COL4A1: variants seen among roughly 807,000 people sequenced by gnomAD.
The protein encoded by COL4A1 is collagen alpha-1(IV) chain.
Under a neutral mutation model 216.6 loss-of-function variants are expected in COL4A1, and 40 were observed. The observed-to-expected ratio is 0.18, with a 90% confidence interval of 0.14 to 0.24. The LOEUF is 0.24. Among genes scored for constraint, COL4A1 ranks in the 10% least tolerant of loss-of-function variants. The probability of loss-of-function intolerance (pLI) is 1.00; values close to 1 mark genes in which losing one functional copy is unlikely to be tolerated. For missense variants in COL4A1, 1,628 were observed against 2,196.8 expected (o/e 0.74, Z 5.18); for synonymous variants, 839 against 810.7 (o/e 1.03, Z -0.59).
In COL4A1 at chr13:110,186,307, C is replaced by T. The variant is rs530609650; in HGVS notation, c.1897+78G>A. ...CGCCCTGGCCTATGCGAACCCCAGG[C>T]CTCTGTGTGCACCCGAGGTGCCTGC... On this transcript the variant is annotated intron_variant, in intron 26 of 51. Coordinates refer to ENST00000375820, the MANE Select transcript of COL4A1 (RefSeq NM_001845.6). 3.7e-5 allele frequency: 58 copies of T among 1,581,496 alleles called. No individual in the cohort carries two copies. The African/African-American group carries it at 7.5e-4, about 21-fold the overall frequency.
rs1882379061 is a variant in COL4A1 at position 110,253,787 on chromosome 13, ATAATTATACGTATATATG to A, written c.85-11071_85-11054del. On this transcript the variant is annotated intron_variant, in intron 1 of 51. Coordinates refer to ENST00000375820, the MANE Select transcript of COL4A1 (RefSeq NM_001845.6). The stretch of plus-strand genomic sequence containing the variant: ...ACGTATGTATGTATTATATATACGT[ATAATTATACGTATATATG>A]TATAATTATACGTATGTATGTATTA... Among the ~76,000 whole-genome samples, 214 of 82,730 alleles carry A rather than the reference ATAATTATACGTATATATG, an allele frequency of 2.6e-3. 1 individual carries two copies. The highest frequency in any genetic ancestry group is 3.2e-3 in the Non-Finnish European group (107 of 33,552). The allele number at this position is 82,730 out of a possible 152,430, so 54.3% of individuals were successfully genotyped here.
At chr13:110,279,540 T>C (rs1360275090) in intron 1 of COL4A1, among the ~76,000 whole-genome samples, 1 of 152,052 alleles carries the variant, frequency 6.6e-6, no homozygotes, top group Non-Finnish European at 1.5e-5. Flanking sequence ...TTCAATCTAT[T>C]CTTTTGGGGG....
Position 110,174,661 on chromosome 13 carries a change from G to A in COL4A1, c.3287C>T (p.Pro1096Leu). ...ACTCCCGGGAGACCCTTTAAGGCCTGGGGACCCTGGCATTCCTGGGATCCC... is the reference window on the plus strand; with the variant it reads ...ACTCCCGGGAGACCCTTTAAGGCCTAGGGACCCTGGCATTCCTGGGATCCC... Reference protein sequence around the residue: ...SIGIPGMPGSPGLKGSPGSVG... With the variant: ...SIGIPGMPGSLGLKGSPGSVG... The change falls in exon 38 of 52, where the codon CCA becomes CTA. Residue 1096 changes from proline to leucine, a missense_variant. Pro to Leu is a moderately conservative substitution (Grantham distance 98, BLOSUM62 -3). This residue lies in a region of COL4A1 where 345 missense variants were observed against 476.9 expected (regional missense o/e 0.72). Coordinates refer to ENST00000375820, the MANE Select transcript of COL4A1 (RefSeq NM_001845.6). 6.2e-7 allele frequency: 1 copy of A among 1,614,052 alleles called. No individual in the cohort carries two copies. Among genetic ancestry groups the A allele is most frequent in the Non-Finnish European group, 8.5e-7 (1 of 1,179,962 alleles).
chr13:110,178,880 G>T (rs1255762346), intron 31 of COL4A1, 43 bp downstream of exon 31: 1 of 1,485,756 alleles, frequency 6.7e-7, no homozygotes, highest in Non-Finnish European at 9.3e-7. Flanking sequence ...CTTCAGAAAA[G>T]CATGCTTTTG....
In COL4A1 at chr13:110,307,018, G is replaced by C. The variant is rs1884761835; in HGVS notation, c.10C>G (p.Arg4Gly). Residue 4 changes from arginine to glycine, a missense_variant, in exon 1 of 52, where the codon CGG becomes GGG. Coordinates refer to ENST00000375820, the MANE Select transcript of COL4A1 (RefSeq NM_001845.6). The surrounding 1 kb of genome is among the most constrained non-coding windows in gnomAD (Gnocchi z 5.0). Reference sequence around the variant, plus strand: ...AGCAGCAGCAGCCAGACGCTGAGCCGGGGCCCCATGGTGGCGCGCCCGAGG... The same window carrying C: ...AGCAGCAGCAGCCAGACGCTGAGCCCGGGCCCCATGGTGGCGCGCCCGAGG... MGPRLSVWLLLLPA... is the reference protein window; with the variant it reads MGPGLSVWLLLLPA... 6.8e-7 allele frequency: 1 copy of C among 1,465,596 alleles called. No individual in the cohort carries two copies. Among genetic ancestry groups the C allele is most frequent in the Non-Finnish European group, 9.0e-7 (1 of 1,113,690 alleles). 90.8% of individuals were successfully genotyped at this position (1,465,596 alleles called of 1,614,324 possible).
chr13:110,182,968 G>T (rs1281228588), intron 28 of COL4A1, 25 bp downstream of exon 28: 2 of 1,597,818 alleles, frequency 1.3e-6, no homozygotes, highest in East Asian at 4.5e-5. Context: ...TGGACCAAAG[G>T]CTCGGGTCCG....
At chr13:110,219,908 ATATG>A (rs1455087124) in intron 2 of COL4A1, among the ~76,000 whole-genome samples, 27 of 138,490 alleles carry the variant, frequency 1.9e-4, no homozygotes, top group Non-Finnish European at 3.5e-4. Context: ...ATATGTATAT[ATATG>A]TGTGTATATA....
chr13:110,156,649 C>T (rs955725176), intron 49 of COL4A1, among the ~76,000 whole-genome samples: 1 of 152,110 alleles, frequency 6.6e-6, no homozygotes, highest in Non-Finnish European at 1.5e-5. Flanking sequence ...ATGAAGGGAA[C>T]CCTTGATGGT....
chr13:110,170,251 C>G (rs538408300), intron 42 of COL4A1, among the ~76,000 whole-genome samples: 1 of 152,212 alleles, frequency 6.6e-6, no homozygotes, highest in Non-Finnish European at 1.5e-5. Context: ...CCAGAACCCA[C>G]AAGTGGGCCC....
intron 2 of COL4A1, among the ~76,000 whole-genome samples, chr13:110,222,877 C>T (rs1880571486): frequency 6.7e-6 from 1 of 148,640 alleles, no homozygotes; most frequent in Non-Finnish European, 1.5e-5. Context: ...CCATTGAACA[C>T]ATTCTGTGGG....
chr13:110,240,273 G>A (rs1437303751), intron 2 of COL4A1, among the ~76,000 whole-genome samples: 6 of 152,074 alleles, frequency 3.9e-5, no homozygotes, highest in Admixed American at 3.9e-4. Context: ...GAGTGTAGAG[G>A]AGCAGGTCAG....
At chr13:110,224,231 G>A (rs565715624) in intron 2 of COL4A1, among the ~76,000 whole-genome samples, 2 of 151,606 alleles carry the variant, frequency 1.3e-5, no homozygotes, top group African/African-American at 4.8e-5. Context: ...TTAGTTAAAA[G>A]ATTTGGGGTA....
intron 2 of COL4A1, among the ~76,000 whole-genome samples, chr13:110,229,299 C>T (rs1880896996): frequency 6.6e-6 from 1 of 152,224 alleles, no homozygotes; most frequent in African/African-American, 2.4e-5. Context: ...GTACCTCCAG[C>T]TTCACAGGAA....
chr13:110,198,055 A>C (rs1878984150), intron 21 of COL4A1, among the ~76,000 whole-genome samples: 1 of 147,072 alleles, frequency 6.8e-6, no homozygotes, highest in Non-Finnish European at 1.5e-5. Context: ...TTACCCATGT[A>C]ATCCTGTCTT....
chr13:110,230,534 G>A (rs1310613688), intron 2 of COL4A1, among the ~76,000 whole-genome samples: 3 of 76,150 alleles, frequency 3.9e-5, no homozygotes, highest in Admixed American at 3.5e-4. Flanking sequence ...AAGGGTAAAG[G>A]GGGCGAGTGA....
chr13:110,180,246 G>C (rs1040564763), intron 29 of COL4A1, among the ~76,000 whole-genome samples: 2 of 152,216 alleles, frequency 1.3e-5, no homozygotes, highest in African/African-American at 4.8e-5. Context: ...TAACTCCTGA[G>C]TCTTGCACTA....
intron 51 of COL4A1, 34 bp downstream of exon 51, chr13:110,152,300 C>CAG (rs753820360): frequency 1.2e-6 from 2 of 1,613,262 alleles, no homozygotes; most frequent in Admixed American, 3.3e-5. Flanking sequence ...ACAAAGGGGC[C>CAG]AGCAGCCTGC....
chr13:110,270,014 GTTC>G (rs1195415694), intron 1 of COL4A1, among the ~76,000 whole-genome samples: 8 of 152,176 alleles, frequency 5.3e-5, no homozygotes. Flanking sequence ...GGACTAGAGC[GTTC>G]TTCTCCACGC....
intron 51 of COL4A1, among the ~76,000 whole-genome samples, chr13:110,150,728 C>T (rs1438124130): frequency 6.6e-6 from 1 of 152,234 alleles, no homozygotes; most frequent in Non-Finnish European, 1.5e-5. Context: ...ATCAGTCTGG[C>T]TCCGAAGCCT....
Sources: gnomAD v4.1 joint callset for allele counts (sites outside exome capture counted in the v4.1 genomes callset) on GRCh38, gnomAD v4.1.1 for gene constraint, gnomAD v4.1.1 regional missense constraint, Gnocchi (gnomAD v3.1) non-coding constraint, MANE v1.5 for transcripts, NCBI Gene and HGNC (gene_info 2026-07-23, HGNC 2026-07-21) for gene names.